Variants in TRIM9 observed in about 807,000 individuals in gnomAD.
The protein encoded by TRIM9 is E3 ubiquitin-protein ligase TRIM9.
In TRIM9, 26 loss-of-function variants were observed where a neutral mutation model predicts 78.3. The ratio of observed to expected loss-of-function variants is 0.33; its 90% confidence interval spans 0.24 to 0.46. The LOEUF (loss-of-function observed/expected upper bound fraction) is 0.46, where lower values mean the gene tolerates loss of function less well. Ranked by LOEUF, TRIM9 falls within the 20% of genes least tolerant of loss-of-function variation. TRIM9 has a pLI of 1.00. For synonymous variants in TRIM9, 398 were observed against 416.5 expected, an observed-to-expected ratio of 0.96 and a Z score of 0.54; for missense variants, 787 against 1,036.4, an observed-to-expected ratio of 0.76 and a Z score of 3.30.
At chr14:51,037,706 T>A (rs527689324) in intron 1 of TRIM9, among the ~76,000 whole-genome samples, 10 of 152,190 alleles carry the variant, frequency 6.6e-5, no homozygotes, top group African/African-American at 1.9e-4. Flanking sequence ...ACTCTTTGGC[T>A]CTTTAAAAAA....
intron 12 of TRIM9, chr14:50,978,870 T>G: frequency 2.0e-6 from 2 of 976,180 alleles, no homozygotes; most frequent in Non-Finnish European, 2.4e-6. Context: ...AGCTGTTGTT[T>G]TATTCTATAA....
At chr14:51,024,301 C>T (rs1279902158) in intron 2 of TRIM9, among the ~76,000 whole-genome samples, 1 of 152,184 alleles carries the variant, frequency 6.6e-6, no homozygotes, top group Middle Eastern at 3.4e-3. Flanking sequence ...AACTCCATTG[C>T]TTTGGAAAAC....
chr14:51,094,319 G>A lies in TRIM9; in HGVS notation c.621C>T (p.His207=). 1.2e-6 allele frequency: 2 copies of A among 1,613,680 alleles called. No individual in the cohort carries two copies. The highest frequency in any genetic ancestry group is 2.2e-5 in the South Asian group (2 of 91,074). The change falls in exon 1 of 13, where the codon CAC becomes CAT. Residue 207 remains histidine (H), a synonymous_variant. Transcript: ENST00000684578. ...GACCCTGGGCCGGGGGCACCAGGCGGTGCTTGGCTAGGGGCCCCCGGGGCG... is the reference window on the plus strand; with the variant it reads ...GACCCTGGGCCGGGGGCACCAGGCGATGCTTGGCTAGGGGCCCCCGGGGCG... ...CHPPRGPLAK[H]RLVPPAQGRV...
chr14:50,996,018 A>T, intron 7 of TRIM9: 1 of 851,432 alleles, frequency 1.2e-6, no homozygotes, highest in South Asian at 5.4e-5. Context: ...ATCTTGTCTC[A>T]CTGAATGTAT....
At chr14:50,996,421 T>C in intron 7 of TRIM9, 1 of 985,410 alleles carries the variant, frequency 1.0e-6, no homozygotes, top group Non-Finnish European at 1.2e-6. Context: ...ACGAGAGACA[T>C]AAGTGCTCAG....
chr14:51,021,049 A>G (rs1474490838), intron 3 of TRIM9, among the ~76,000 whole-genome samples: 1 of 152,268 alleles, frequency 6.6e-6, no homozygotes, highest in African/African-American at 2.4e-5. Flanking sequence ...TCATTTCCCA[A>G]AGACATTTGT....
chr14:51,049,263 G>A (rs1376093586), intron 1 of TRIM9, among the ~76,000 whole-genome samples: 9 of 152,006 alleles, frequency 5.9e-5, no homozygotes, highest in Admixed American at 2.0e-4. Flanking sequence ...ACGGGGTTTC[G>A]CCAAGTTGAC....
At chr14:51,000,660 T>C (rs577952155) in intron 6 of TRIM9, 23 bp downstream of exon 6, 1 of 1,613,484 alleles carries the variant, frequency 6.2e-7, no homozygotes, top group Non-Finnish European at 8.5e-7. Flanking sequence ...GGTTAACAAG[T>C]ACGTAGTGGG....
At chr14:51,001,301 C>A (rs1183733759) in intron 5 of TRIM9, among the ~76,000 whole-genome samples, 1 of 149,460 alleles carries the variant, frequency 6.7e-6, no homozygotes, top group Non-Finnish European at 1.5e-5. Flanking sequence ...ACAATCTCGG[C>A]TCACTGCAAG....
chr14:51,087,568 T>C (rs1181119633), intron 1 of TRIM9, among the ~76,000 whole-genome samples: 1 of 152,162 alleles, frequency 6.6e-6, no homozygotes, highest in African/African-American at 2.4e-5. Context: ...CTGAATTAGA[T>C]ATGCTGCTTA....
At chr14:51,029,512 C>T (rs117297985) in intron 1 of TRIM9, among the ~76,000 whole-genome samples, 269 of 152,274 alleles carry the variant, frequency 1.8e-3, no homozygotes, top group Admixed American at 3.5e-3. Flanking sequence ...GAGGGAAGGC[C>T]GCCAAGGAGA....
chr14:51,083,923 C>T (rs1219243524), intron 1 of TRIM9, among the ~76,000 whole-genome samples: 1 of 152,176 alleles, frequency 6.6e-6, no homozygotes, highest in Non-Finnish European at 1.5e-5. Flanking sequence ...TCTAGGCCAT[C>T]ACTCAACCCC....
chr14:51,006,838 A>G (rs2139595821), intron 5 of TRIM9, among the ~76,000 whole-genome samples: 1 of 152,238 alleles, frequency 6.6e-6, no homozygotes, highest in East Asian at 1.9e-4. Context: ...ACTTGAACAG[A>G]CTGGACAAAC....
intron 1 of TRIM9, among the ~76,000 whole-genome samples, chr14:51,061,290 G>A (rs2061335127): frequency 6.6e-6 from 1 of 151,960 alleles, no homozygotes; most frequent in African/African-American, 2.4e-5. Flanking sequence ...GTGGGCACCT[G>A]TAATCCCAGC....
At chr14:50,989,200 G>A (rs1328924224) in intron 7 of TRIM9, among the ~76,000 whole-genome samples, 1 of 152,148 alleles carries the variant, frequency 6.6e-6, no homozygotes, top group Non-Finnish European at 1.5e-5. Context: ...ATGCCCTCTG[G>A]ACATGTTCAA....
intron 1 of TRIM9, among the ~76,000 whole-genome samples, chr14:51,077,993 T>C (rs1052528677): frequency 1.3e-5 from 2 of 152,176 alleles, no homozygotes; most frequent in South Asian, 2.1e-4. Flanking sequence ...AACGACCCAA[T>C]TGAGCAACCA....
At chr14:51,020,713 T>C (rs945075069) in intron 3 of TRIM9, among the ~76,000 whole-genome samples, 4 of 152,264 alleles carry the variant, frequency 2.6e-5, no homozygotes, top group Non-Finnish European at 5.9e-5. Flanking sequence ...CACAGTCCTG[T>C]TCTGCAGAGG....
chr14:51,010,321 A>C (rs1050632540), intron 4 of TRIM9, 63 bp downstream of exon 4: 2 of 1,374,022 alleles, frequency 1.5e-6, no homozygotes, highest in African/African-American at 2.9e-5. Flanking sequence ...GTCTGACTTA[A>C]GCATCCTAGA....
chr14:51,064,767 C>T (rs1056837847), intron 1 of TRIM9, among the ~76,000 whole-genome samples: 7 of 151,856 alleles, frequency 4.6e-5, no homozygotes, highest in African/African-American at 1.5e-4. Context: ...TTTAGAAAGG[C>T]CAAATTCTTT....
Sources: gnomAD v4.1 joint callset for allele counts (sites outside exome capture counted in the v4.1 genomes callset) on GRCh38, gnomAD v4.1.1 for gene constraint, MANE v1.5 for transcripts, NCBI Gene and HGNC (gene_info 2026-07-23, HGNC 2026-07-21) for gene names.